C5orf47: variants seen among roughly 807,000 people sequenced by gnomAD.
C5orf47 encodes the protein uncharacterized protein C5orf47.
A neutral mutation model predicts 20.6 loss-of-function variants in C5orf47; 20 were observed. That is an observed-to-expected ratio of 0.97 (90% CI 0.68 to 1.41). C5orf47 has a LOEUF of 1.41. C5orf47 is among the 40% of genes most tolerant of loss of function. The probability of loss-of-function intolerance (pLI) is 0.00; values close to 1 mark genes in which losing one functional copy is unlikely to be tolerated. For missense variants in C5orf47, 262 were observed against 238.4 expected, an observed-to-expected ratio of 1.10 and a Z score of -0.65; for synonymous variants, 106 against 97.3, an observed-to-expected ratio of 1.09 and a Z score of -0.53.
intron 1 of C5orf47, among the ~76,000 whole-genome samples, chr5:173,990,673 G>C (rs1463644590): frequency 6.7e-6 from 1 of 149,880 alleles, no homozygotes; most frequent in African/African-American, 2.5e-5. Context: ...CTTGACCTCA[G>C]GTGATCCACC....
chr5:173,995,269 CGAG>C (rs1759069104), intron 1 of C5orf47, among the ~76,000 whole-genome samples: 1 of 152,046 alleles, frequency 6.6e-6, no homozygotes, highest in Non-Finnish European at 1.5e-5. Flanking sequence ...AGTCTGCTCT[CGAG>C]GGACTTATTA....
At position 173,989,205 on chromosome 5, in the gene C5orf47, G is replaced by A. The variant is rs1451008416; in HGVS notation, c.-59G>A. On this transcript the variant is annotated 5_prime_UTR_variant, in exon 1 of 5. Coordinates refer to ENST00000340147, the MANE Select transcript of C5orf47 (RefSeq NM_001144954.2). Reference sequence around the variant, plus strand: ...GCATCCCTCGCCTGCACAGTGGGCAGTCTGGCGCCTGTGGCGTCGTGTTTG... The same window carrying A: ...GCATCCCTCGCCTGCACAGTGGGCAATCTGGCGCCTGTGGCGTCGTGTTTG... 2.2e-6 allele frequency: 3 copies of A among 1,355,212 alleles called. No individual in the cohort carries two copies. The highest frequency in any genetic ancestry group is 1.9e-6 in the Non-Finnish European group (2 of 1,054,562). The allele number at this position is 1,355,212 out of a possible 1,614,324, so 83.9% of individuals were successfully genotyped here. A position where few individuals can be genotyped will look rare whatever the true frequency, so the allele number is the denominator to read the frequency against.
At chr5:173,995,451 C>A (rs764934855) in intron 1 of C5orf47, among the ~76,000 whole-genome samples, 1 of 152,168 alleles carries the variant, frequency 6.6e-6, no homozygotes, top group Non-Finnish European at 1.5e-5. Context: ...AGAGCATTGG[C>A]TTTGAAGTCA....
intron 1 of C5orf47, among the ~76,000 whole-genome samples, chr5:173,993,752 A>G (rs1455782886): frequency 1.3e-5 from 2 of 152,216 alleles, no homozygotes; most frequent in Non-Finnish European, 2.9e-5. Flanking sequence ...CAAGTTGAAA[A>G]ATATATAAAT....
chr5:174,009,120 C>T (rs1008794819), downstream of C5orf47, among the ~76,000 whole-genome samples: 1 of 151,988 alleles, frequency 6.6e-6, no homozygotes, highest in African/African-American at 2.4e-5. Context: ...TAGAAATGCC[C>T]GCTAGAAAGC....
At chr5:173,998,733 A>C (rs1392167289) in intron 2 of C5orf47, among the ~76,000 whole-genome samples, 1 of 152,170 alleles carries the variant, frequency 6.6e-6, no homozygotes, top group East Asian at 1.9e-4. Context: ...GAGTGTTTTG[A>C]ACATATTCAA....
At chr5:173,995,420 G>A (rs1266864479) in intron 1 of C5orf47, among the ~76,000 whole-genome samples, 1 of 152,254 alleles carries the variant, frequency 6.6e-6, no homozygotes, top group East Asian at 1.9e-4. Context: ...GAAGTCACTA[G>A]TGGGACAGTA....
chr5:174,003,051 T>C (rs1158342901), intron 4 of C5orf47, among the ~76,000 whole-genome samples: 2 of 152,222 alleles, frequency 1.3e-5, no homozygotes, highest in Non-Finnish European at 2.9e-5. Flanking sequence ...TGATCTTCAC[T>C]GATCCCTTAT....
Position 173,996,270 on chromosome 5 carries a change from A to T in C5orf47, c.326-1883A>T, listed in dbSNP as rs151119081. Among the ~76,000 whole-genome samples, 485 of 152,346 alleles carry T rather than the reference A, an allele frequency of 3.2e-3. 4 individuals are homozygous for T. The highest frequency in any genetic ancestry group is 0.011 in the African/African-American group (446 of 41,576). On this transcript the variant is annotated intron_variant, in intron 1 of 4. Transcript: ENST00000340147. ...TGGGTGGAAAGAGGACTAGAGAAAG[A>T]TTTGAAACATAAGTCAGGACAAAAT...
intron 2 of C5orf47, among the ~76,000 whole-genome samples, chr5:173,998,456 A>C (rs2113367998): frequency 6.6e-6 from 1 of 152,330 alleles, no homozygotes; most frequent in South Asian, 2.1e-4. Context: ...ATACCAGTGA[A>C]GGTATAAAAC....
intron 1 of C5orf47, among the ~76,000 whole-genome samples, chr5:173,990,475 C>A (rs1758972719): frequency 6.6e-6 from 1 of 151,924 alleles, no homozygotes; most frequent in African/African-American, 2.4e-5. Flanking sequence ...TGCCCTGTTG[C>A]CCAGACTAGA....
At chr5:173,994,700 C>T (rs1428556873) in intron 1 of C5orf47, among the ~76,000 whole-genome samples, 3 of 152,286 alleles carry the variant, frequency 2.0e-5, no homozygotes, top group African/African-American at 7.2e-5. Flanking sequence ...GCTGTGCTTG[C>T]GAAGCCAAGG....
At chr5:174,004,025 G>C (rs1759243620) in intron 4 of C5orf47, among the ~76,000 whole-genome samples, 1 of 152,174 alleles carries the variant, frequency 6.6e-6, no homozygotes, top group Admixed American at 6.5e-5. Context: ...TCTTGCAAAT[G>C]GGACTGTTGA....
intron 4 of C5orf47, among the ~76,000 whole-genome samples, chr5:174,003,258 A>G (rs1483925783): frequency 6.6e-6 from 1 of 152,160 alleles, no homozygotes. Context: ...ATTTGTGGAA[A>G]GATTTGGAAT....
chr5:173,998,540 C>T (rs982430415), intron 2 of C5orf47, among the ~76,000 whole-genome samples: 1 of 152,080 alleles, frequency 6.6e-6, no homozygotes, highest in Non-Finnish European at 1.5e-5. Flanking sequence ...ATATAATAAA[C>T]TGTGATAGAT....
chr5:173,993,026 A>G (rs1264587868), intron 1 of C5orf47, among the ~76,000 whole-genome samples: 4 of 151,458 alleles, frequency 2.6e-5, no homozygotes, highest in Admixed American at 2.0e-4. Flanking sequence ...TATAGTCTGT[A>G]CTCTGATTTG....
intron 2 of C5orf47, among the ~76,000 whole-genome samples, 195 bp from the exon 3 acceptor site, chr5:173,999,505 G>A (rs889454896): frequency 2.0e-5 from 3 of 152,034 alleles, no homozygotes; most frequent in Non-Finnish European, 2.9e-5. Context: ...TAGGAATTTT[G>A]AAAAAGAGAA....
At chr5:174,009,115 A>G (rs1335082650), downstream of C5orf47, among the ~76,000 whole-genome samples, 1 of 152,128 alleles carries the variant, frequency 6.6e-6, no homozygotes, top group East Asian at 1.9e-4. Context: ...CTAGCTAGAA[A>G]TGCCCGCTAG....
At chr5:173,994,959 G>A (rs892497303) in intron 1 of C5orf47, among the ~76,000 whole-genome samples, 3 of 152,020 alleles carry the variant, frequency 2.0e-5, no homozygotes, top group Non-Finnish European at 2.9e-5. Flanking sequence ...GACCACAGGC[G>A]TGTGCCACCA....
Sources: gnomAD v4.1 joint callset for allele counts (sites outside exome capture counted in the v4.1 genomes callset) on GRCh38, gnomAD v4.1.1 for gene constraint, MANE v1.5 for transcripts, NCBI Gene and HGNC (gene_info 2026-07-23, HGNC 2026-07-21) for gene names.